The following YWHAE variants were observed in gnomAD, a reference collection of about 807,000 sequenced individuals.
The protein encoded by YWHAE is tyrosine 3-monooxygenase/tryptophan 5-monooxygenase activation protein epsilon, also known as 14-3-3 protein epsilon.
Under a neutral mutation model 30.1 loss-of-function variants are expected in YWHAE, and 4 were observed. That is an observed-to-expected ratio of 0.13 (90% CI 0.07 to 0.30). The LOEUF is 0.30. Among genes scored for constraint, YWHAE ranks in the 10% least tolerant of loss-of-function variants. The pLI is 1.00. For missense variants in YWHAE, 121 were observed against 315.9 expected, an observed-to-expected ratio of 0.38 and a Z score of 4.68; for synonymous variants, 118 against 111.8, an observed-to-expected ratio of 1.06 and a Z score of -0.35.
intron 3 of YWHAE, 117 bp downstream of exon 3, chr17:1,361,785 C>A: frequency 1.6e-6 from 1 of 610,314 alleles, no homozygotes; most frequent in Non-Finnish European, 2.7e-6. Flanking sequence ...ATTAACTATC[C>A]TTCTAACATT....
intron 1 of YWHAE, among the ~76,000 whole-genome samples, chr17:1,366,506 C>T (rs2072944472): frequency 6.6e-6 from 1 of 152,088 alleles, no homozygotes; most frequent in African/African-American, 2.4e-5. Context: ...TGTATGCCAC[C>T]TGGGGCAACA....
chr17:1,396,753 G>A (rs2073478211), intron 1 of YWHAE, among the ~76,000 whole-genome samples: 1 of 152,090 alleles, frequency 6.6e-6, no homozygotes, highest in African/African-American at 2.4e-5. Context: ...CGCCTCCCAA[G>A]TAGCTGGGAT....
At chr17:1,352,679 C>T (rs2072655149) in intron 5 of YWHAE, among the ~76,000 whole-genome samples, 1 of 152,156 alleles carries the variant, frequency 6.6e-6, no homozygotes, top group African/African-American at 2.4e-5. Context: ...GAGCCCGCCA[C>T]CACGCCCAGC....
intron 4 of YWHAE, among the ~76,000 whole-genome samples, chr17:1,359,776 C>T (rs2072823797): frequency 2.0e-5 from 3 of 150,390 alleles, no homozygotes; most frequent in African/African-American, 7.4e-5. Context: ...GTGGTGATTA[C>T]ACAACACTGT....
chr17:1,391,643 T>C (rs193149146), intron 1 of YWHAE, among the ~76,000 whole-genome samples: 11 of 152,308 alleles, frequency 7.2e-5, no homozygotes, highest in Admixed American at 4.6e-4. Context: ...TGAGGTTCTG[T>C]TGGCAACCAA....
At chr17:1,392,545 C>A (rs1859577471) in intron 1 of YWHAE, among the ~76,000 whole-genome samples, 1 of 151,982 alleles carries the variant, frequency 6.6e-6, no homozygotes, top group African/African-American at 2.4e-5. Context: ...TTTGTCCCTC[C>A]TAGAAGTTGT....
At position 1,350,376 on chromosome 17, in the gene YWHAE, T is replaced by C. The variant is rs117694849; in HGVS notation, c.715+3835A>G. Among the ~76,000 whole-genome samples, 224 of 152,324 alleles carry C rather than the reference T, an allele frequency of 1.5e-3. 1 individual carries two copies. Among genetic ancestry groups the C allele is most frequent in the Non-Finnish European group, 2.7e-3 (181 of 68,020 alleles). On this transcript the variant is annotated intron_variant, in intron 5 of 5. Transcript: ENST00000264335. ...ACTTTGATTAATCAACTCTTGGTTA[T>C]CAGTGATAATGAGCTACAGAAGTAA...
At chr17:1,365,759 T>C (rs1367986886) in intron 1 of YWHAE, among the ~76,000 whole-genome samples, 1 of 152,176 alleles carries the variant, frequency 6.6e-6, no homozygotes, top group East Asian at 1.9e-4. Context: ...TTTGATGCCA[T>C]ATTACCATGT....
chr17:1,373,299 A>C (rs78024023), intron 1 of YWHAE, among the ~76,000 whole-genome samples: 1 of 152,040 alleles, frequency 6.6e-6, no homozygotes, highest in Non-Finnish European at 1.5e-5. Flanking sequence ...CCCTCAGTTC[A>C]CGGATCCCCA....
At chr17:1,366,591 C>A (rs2150855106) in intron 1 of YWHAE, among the ~76,000 whole-genome samples, 1 of 152,224 alleles carries the variant, frequency 6.6e-6, no homozygotes, top group South Asian at 2.1e-4. Context: ...TTCATTAACA[C>A]CCTAAGCATA....
intron 1 of YWHAE, among the ~76,000 whole-genome samples, chr17:1,385,413 G>A (rs919038473): frequency 3.3e-5 from 5 of 152,076 alleles, no homozygotes; most frequent in East Asian, 1.9e-4. Flanking sequence ...GGTACACAAC[G>A]AAAAAGTACA....
chr17:1,389,598 C>T (rs2073358917), intron 1 of YWHAE, among the ~76,000 whole-genome samples: 1 of 149,414 alleles, frequency 6.7e-6, no homozygotes, highest in Non-Finnish European at 1.5e-5. Context: ...TGGCGCGATC[C>T]TGGCTCACTG....
intron 3 of YWHAE, chr17:1,361,591 GT>G (rs1052740092): frequency 1.2e-5 from 5 of 425,636 alleles, no homozygotes; most frequent in African/African-American, 8.3e-5. Context: ...CAAGCAAGTG[GT>G]TCCAAGGAAT....
chr17:1,384,886 A>C (rs1281371207), intron 1 of YWHAE, among the ~76,000 whole-genome samples: 1 of 151,678 alleles, frequency 6.6e-6, no homozygotes, highest in Non-Finnish European at 1.5e-5. Flanking sequence ...TTTTTTTTGT[A>C]TTTTTAGTAG....
intron 5 of YWHAE, among the ~76,000 whole-genome samples, chr17:1,351,662 C>T (rs1364404715): frequency 2.0e-5 from 3 of 152,110 alleles, no homozygotes; most frequent in African/African-American, 4.8e-5. Context: ...GATGGCATCT[C>T]GTTCAGTCAT....
At chr17:1,383,302 A>G (rs971033870) in intron 1 of YWHAE, among the ~76,000 whole-genome samples, 4 of 151,760 alleles carry the variant, frequency 2.6e-5, no homozygotes, top group African/African-American at 4.8e-5. Flanking sequence ...GCGAGCTGAG[A>G]TCGCGCGATT....
chr17:1,398,112 G>C (rs1307971822), intron 1 of YWHAE, among the ~76,000 whole-genome samples: 1 of 152,048 alleles, frequency 6.6e-6, no homozygotes, highest in Admixed American at 6.6e-5. Flanking sequence ...ATCCTTTCTA[G>C]TTATCACAGC....
intron 1 of YWHAE, chr17:1,369,798 G>A (rs565174203): frequency 1.7e-4 from 26 of 152,282 alleles, no homozygotes; most frequent in Non-Finnish European, 3.7e-4. Context: ...GTTTCCCAGT[G>A]CATAGAAAAG....
At position 1,388,118 on chromosome 17, in the gene YWHAE, G is replaced by GTTTTTTTTT. The variant is rs1297503908; in HGVS notation, c.64+11920_64+11928dup. Among the ~76,000 whole-genome samples the GTTTTTTTTT allele has an allele frequency of 1.5e-3, 23 of 15,486 alleles. 4 individuals carry two copies. The highest frequency in any genetic ancestry group is 6.6e-3 in the African/African-American group (13 of 1,972). 10.2% of individuals were successfully genotyped at this position (15,486 alleles called of 152,430 possible). On this transcript the variant is annotated intron_variant, in intron 1 of 5. Coordinates refer to ENST00000264335, the MANE Select transcript of YWHAE (RefSeq NM_006761.5). ...TAATTTTTGTTTTTTTTTTTGGTTG[G>GTTTTTTTTT]TTTTTTTTTTTTTTTTTTTTTTTTA...
Sources: gnomAD v4.1 joint callset for allele counts (sites outside exome capture counted in the v4.1 genomes callset) on GRCh38, gnomAD v4.1.1 for gene constraint, MANE v1.5 for transcripts, NCBI Gene and HGNC (gene_info 2026-07-23, HGNC 2026-07-21) for gene names.